AGAP1: variants seen among roughly 807,000 people sequenced by gnomAD.
AGAP1 encodes the protein ArfGAP with GTPase domain, ankyrin repeat and PH domain 1.
A neutral mutation model predicts 105.3 loss-of-function variants in AGAP1; 29 were observed. That is an observed-to-expected ratio of 0.28 (90% CI 0.21 to 0.38). The LOEUF (loss-of-function observed/expected upper bound fraction) is 0.38, where lower values mean the gene tolerates loss of function less well. AGAP1 is among the 10% of genes least tolerant of loss of function. The pLI, the probability that AGAP1 is intolerant of heterozygous loss-of-function variation, is 1.00. For missense variants in AGAP1, 998 were observed against 1,165.1 expected (o/e 0.86, Z 2.09); for synonymous variants, 509 against 485.9 (o/e 1.05, Z -0.63).
At chr2:235,686,550 T>TAC (rs530198533) in intron 1 of AGAP1, among the ~76,000 whole-genome samples, 2,121 of 90,066 alleles carry the variant, frequency 0.024, 58 homozygotes, top group African/African-American at 0.092. Context: ...GAAGGAGATA[T>TAC]ATATATACAC....
chr2:235,565,671 A>AT (rs879833264), intron 1 of AGAP1, among the ~76,000 whole-genome samples: 40 of 152,024 alleles, frequency 2.6e-4, no homozygotes, highest in East Asian at 1.4e-3. Context: ...GACTTTTTGT[A>AT]TTTTTTTTGA....
chr2:235,650,066 G>T (rs1324698266), intron 1 of AGAP1, among the ~76,000 whole-genome samples: 1 of 152,160 alleles, frequency 6.6e-6, no homozygotes, highest in African/African-American at 2.4e-5. Flanking sequence ...ATTAAAATAA[G>T]AATTGATTAA....
chr2:235,731,939 C>T (rs1007640931), intron 3 of AGAP1, among the ~76,000 whole-genome samples: 3 of 152,138 alleles, frequency 2.0e-5, no homozygotes, highest in African/African-American at 2.4e-5. Context: ...CCCCAAAGTG[C>T]GCAGGGAAGA....
At chr2:236,032,019 C>T (rs138627283) in intron 13 of AGAP1, among the ~76,000 whole-genome samples, 4 of 152,182 alleles carry the variant, frequency 2.6e-5, no homozygotes, top group Non-Finnish European at 5.9e-5. Flanking sequence ...TCTCCCAAAC[C>T]TCACCTGCTG....
intron 16 of AGAP1, among the ~76,000 whole-genome samples, chr2:236,074,537 C>T (rs550947827): frequency 1.5e-4 from 23 of 152,268 alleles, no homozygotes; most frequent in African/African-American, 5.1e-4. Context: ...TTTGCTCTTA[C>T]GAGATAATAG....
chr2:235,511,717 A>G (rs1452023135), intron 1 of AGAP1, among the ~76,000 whole-genome samples: 2 of 151,624 alleles, frequency 1.3e-5, no homozygotes, highest in Non-Finnish European at 2.9e-5. Flanking sequence ...CAGTTCTTCT[A>G]TTTGTAGGGT....
Position 236,124,022 on chromosome 2 carries a change from G to T in AGAP1, c.2474G>T (p.Gly825Val), listed in dbSNP as rs778188960. The T allele has an allele frequency of 6.2e-7, 1 of 1,614,040 alleles. No homozygotes were observed. The highest frequency in any genetic ancestry group is 1.1e-5 in the South Asian group (1 of 91,070). Residue 825 changes from glycine to valine, a missense_variant, in exon 18 of 18, where the codon GGC becomes GTC. This residue lies in a region of AGAP1 where 235 missense variants were observed against 270.7 expected (regional missense o/e 0.87). Coordinates refer to ENST00000304032, the MANE Select transcript of AGAP1 (RefSeq NM_001037131.3). This position sits in a 1 kb window ranked among gnomAD's most constrained non-coding sequence, Gnocchi z 5.1. ...TGCATCGACGTGCTGCTGCAGTACGGCTGCCCCGACGAGCGCTTCGTGCTC... is the reference window on the plus strand; with the variant it reads ...TGCATCGACGTGCTGCTGCAGTACGTCTGCCCCGACGAGCGCTTCGTGCTC... ...QECIDVLLQY[G>V]CPDERFVLMA...
Position 235,655,279 on chromosome 2 carries a change from C to A in AGAP1, c.164-53900C>A, listed in dbSNP as rs1189900517. Among the ~76,000 whole-genome samples, 3 of 152,168 alleles carry A rather than the reference C, an allele frequency of 2.0e-5. No homozygotes were observed. Among genetic ancestry groups the A allele is most frequent in the African/African-American group, 7.2e-5 (3 of 41,430 alleles). On this transcript the variant is annotated intron_variant, in intron 1 of 17. Transcript: ENST00000304032. This position sits in a 1 kb window ranked among gnomAD's most constrained non-coding sequence, Gnocchi z 4.3. ...AGCACTTTATTCCATTGGGATATCA[C>A]AATTTCGTAGCCTGGTATATGCATT...
chr2:236,119,975 C>G lies in AGAP1; in HGVS notation c.2115-217C>G, dbSNP rs1332109764. ...TGGATTCAGGGGGTCTGGGGCGTGACCTGAGAATCTGCATTTCTGGGCTGA... is the reference window on the plus strand; with the variant it reads ...TGGATTCAGGGGGTCTGGGGCGTGAGCTGAGAATCTGCATTTCTGGGCTGA... On this transcript the variant is annotated intron_variant, in intron 16 of 17. Coordinates refer to ENST00000304032, the MANE Select transcript of AGAP1 (RefSeq NM_001037131.3). The surrounding 1 kb of genome is among the most constrained non-coding windows in gnomAD (Gnocchi z 6.6). Among the ~76,000 whole-genome samples, 1 of 152,142 alleles carries G rather than the reference C, an allele frequency of 6.6e-6. No individual in the cohort carries two copies. The highest frequency in any genetic ancestry group is 1.5e-5 in the Non-Finnish European group (1 of 68,034).
At position 236,124,099 on chromosome 2, in the gene AGAP1, G is replaced by A. The variant is rs756309109; in HGVS notation, c.2551G>A (p.Gly851Arg). 12 of 1,614,046 alleles carry A rather than the reference G, an allele frequency of 7.4e-6. No homozygotes were observed. In the South Asian group the frequency reaches 1.3e-4, roughly 18 times the overall value. The change falls in exon 18 of 18, where the codon GGG becomes AGG. Residue 851 changes from glycine (G) to arginine (R), a missense_variant. This residue lies in a region of AGAP1 where 235 missense variants were observed against 270.7 expected (regional missense o/e 0.87). Transcript: ENST00000304032. This position sits in a 1 kb window ranked among gnomAD's most constrained non-coding sequence, Gnocchi z 5.1. ...RRNNNRNNSS[G>R]RVPTII ...AAACAATAACCGGAACAACAGCAGTGGGAGGGTGCCCACCATCATCTGAGG... is the reference window on the plus strand; with the variant it reads ...AAACAATAACCGGAACAACAGCAGTAGGAGGGTGCCCACCATCATCTGAGG...
chr2:235,984,982 T>A (rs1001965749), intron 13 of AGAP1, among the ~76,000 whole-genome samples: 1 of 152,248 alleles, frequency 6.6e-6, no homozygotes, highest in African/African-American at 2.4e-5. Flanking sequence ...ATAGGATTGC[T>A]GGGTCAAATG....
chr2:236,014,795 C>T lies in AGAP1; in HGVS notation c.1646-21766C>T, dbSNP rs1013263812. On this transcript the variant is annotated intron_variant, in intron 13 of 17. Transcript: ENST00000304032. This position sits in a 1 kb window ranked among gnomAD's most constrained non-coding sequence, Gnocchi z 6.3. ...TTTTCCCCTCTCCCCTTTCTGCTCTCGGGATGCAGCCAAACGCAAAGCATG... is the reference window on the plus strand; with the variant it reads ...TTTTCCCCTCTCCCCTTTCTGCTCTTGGGATGCAGCCAAACGCAAAGCATG... 4 of 446,786 alleles carry T rather than the reference C, an allele frequency of 9.0e-6. No individual in the cohort carries two copies. The highest frequency in any genetic ancestry group is 1.8e-5 in the Non-Finnish European group (4 of 218,382). The allele number at this position is 446,786 out of a possible 1,614,324, so 27.7% of individuals were successfully genotyped here.
At position 235,827,074 on chromosome 2, in the gene AGAP1, G is replaced by A. The variant is rs561188573; in HGVS notation, c.1050+19743G>A. Among the ~76,000 whole-genome samples the A allele has an allele frequency of 8.5e-5, 13 of 152,266 alleles. No individual in the cohort carries two copies. In the East Asian group the frequency reaches 1.4e-3, roughly 16 times the overall value. ...TCACCCCTGGGCGGGTTTGTAGTGC[G>A]GCTTGTGCGTCTCCCCAGATTGCAG... On this transcript the variant is annotated intron_variant, in intron 9 of 17. Transcript: ENST00000304032.
At chr2:235,881,419 GA>G (rs2050018780) in intron 9 of AGAP1, among the ~76,000 whole-genome samples, 1 of 152,190 alleles carries the variant, frequency 6.6e-6, no homozygotes, top group Non-Finnish European at 1.5e-5. Flanking sequence ...CAGTCCAGGT[GA>G]ATTAACTAGC....
Position 235,936,295 on chromosome 2 carries a change from C to A in AGAP1, c.1483+5372C>A, listed in dbSNP as rs1306724867. 6.6e-6 allele frequency among the ~76,000 whole-genome samples: 1 copy of A among 152,170 alleles called. No homozygotes were observed. The highest frequency in any genetic ancestry group is 1.9e-4 in the East Asian group (1 of 5,196). ...CATCTTCCACATGGAAGGAGTGTAT[C>A]ACATGTGTGTGTGTACGGGTGTATG... On this transcript the variant is annotated intron_variant, in intron 12 of 17. Transcript: ENST00000304032. This position sits in a 1 kb window ranked among gnomAD's most constrained non-coding sequence, Gnocchi z 4.7.
chr2:236,116,099 C>A (rs1176499282), intron 16 of AGAP1, among the ~76,000 whole-genome samples: 1 of 151,430 alleles, frequency 6.6e-6, no homozygotes, highest in Non-Finnish European at 1.5e-5. Flanking sequence ...AGCCACTGCA[C>A]CTGGCTGCAA....
At chr2:235,542,962 G>A (rs1287620641) in intron 1 of AGAP1, among the ~76,000 whole-genome samples, 1 of 152,164 alleles carries the variant, frequency 6.6e-6, no homozygotes, top group African/African-American at 2.4e-5. Context: ...CTGACCTGGG[G>A]ACGGTCTCCT....
At chr2:236,041,020 G>T (rs2057533946) in intron 15 of AGAP1, among the ~76,000 whole-genome samples, 179 bp downstream of exon 15, 1 of 152,148 alleles carries the variant, frequency 6.6e-6, no homozygotes, top group Non-Finnish European at 1.5e-5. Flanking sequence ...TTCCACACAA[G>T]CCTCACCCCT....
intron 6 of AGAP1, among the ~76,000 whole-genome samples, chr2:235,767,607 A>C (rs1955072205): frequency 6.6e-6 from 1 of 152,132 alleles, no homozygotes; most frequent in Non-Finnish European, 1.5e-5. Flanking sequence ...TCCGTTTACA[A>C]ATCTAAGCAC....
Sources: gnomAD v4.1 joint callset for allele counts (sites outside exome capture counted in the v4.1 genomes callset) on GRCh38, gnomAD v4.1.1 for gene constraint, gnomAD v4.1.1 regional missense constraint, Gnocchi (gnomAD v3.1) non-coding constraint, MANE v1.5 for transcripts, NCBI Gene and HGNC (gene_info 2026-07-23, HGNC 2026-07-21) for gene names.